TMEM140: variants seen among roughly 807,000 people sequenced by gnomAD.
TMEM140 encodes the protein transmembrane protein 140.
For synonymous variants in TMEM140, 107 were observed against 106.8 expected, an observed-to-expected ratio of 1.00 and a Z score of -0.01; for missense variants, 236 against 228.5, an observed-to-expected ratio of 1.03 and a Z score of -0.21.
chr7:135,158,264 A>G (rs1829843886), intron 1 of TMEM140, among the ~76,000 whole-genome samples: 1 of 152,232 alleles, frequency 6.6e-6, no homozygotes, highest in Admixed American at 6.5e-5. Context: ...CATGTTGCAG[A>G]GCAGTGGGTA....
rs1372783963 is a variant in TMEM140, at chr7:135,165,290, G to A, written c.*291G>A. ...TTCCTGCTTTAATTAATGGATCTGA[G>A]CAAATCTTCCTCTAGCTTCAGGAGG... is the stretch of plus-strand genomic sequence containing the variant. On this transcript the variant is annotated 3_prime_UTR_variant, in exon 2 of 2. Coordinates refer to ENST00000275767, the MANE Select transcript of TMEM140 (RefSeq NM_018295.5). 6.2e-6 allele frequency: 2 copies of A among 323,514 alleles called. No homozygotes were observed. The highest frequency in any genetic ancestry group is 4.5e-5 in the Admixed American group (1 of 22,172). The allele number at this position is 323,514 out of a possible 1,614,324, so 20.0% of individuals were successfully genotyped here.
chr7:135,157,156 C>T (rs1017194381), intron 1 of TMEM140, among the ~76,000 whole-genome samples: 1 of 152,176 alleles, frequency 6.6e-6, no homozygotes, highest in Non-Finnish European at 1.5e-5. Context: ...TTACATGTTT[C>T]CTGTATCCTT....
At chr7:135,159,428 CA>C (rs1411239371) in intron 1 of TMEM140, among the ~76,000 whole-genome samples, 3 of 152,180 alleles carry the variant, frequency 2.0e-5, no homozygotes, top group East Asian at 3.8e-4. Context: ...CTTAAACCAA[CA>C]AAAAAGCTGC....
In TMEM140 at chr7:135,164,824, CAGG is replaced by C; in HGVS notation, c.384_386del (p.Gly130del). The C allele has an allele frequency of 6.2e-7, 1 of 1,614,068 alleles. No homozygotes were observed. ...CTGGCTGTGTCCTCTGTGCTGCTGGCAGGCGGCCTGGGCCTCTTCCTCTCCTAT... is the reference window on the plus strand; with the variant it reads ...CTGGCTGTGTCCTCTGTGCTGCTGGCCGGCCTGGGCCTCTTCCTCTCCTAT... On this transcript the variant is annotated inframe_deletion, in exon 2 of 2. Coordinates refer to ENST00000275767, the MANE Select transcript of TMEM140 (RefSeq NM_018295.5).
chr7:135,148,634 G>C (rs562019204), intron 1 of TMEM140, among the ~76,000 whole-genome samples: 1 of 152,312 alleles, frequency 6.6e-6, no homozygotes, highest in East Asian at 1.9e-4. Context: ...CTGTTCATCA[G>C]AAATAGGTAA....
Position 135,164,761 on chromosome 7 carries a change from A to G in TMEM140, c.320A>G (p.Asn107Ser), listed in dbSNP as rs774234090. The G allele has an allele frequency of 1.2e-6, 2 of 1,614,192 alleles. No homozygotes were observed. Among genetic ancestry groups the G allele is most frequent in the Non-Finnish European group, 1.7e-6 (2 of 1,180,016 alleles). The change falls in exon 2 of 2, where the codon AAC (asparagine) becomes AGC (serine). Residue 107 changes from asparagine (N) to serine (S), a missense_variant. Physicochemically the swap from Asn to Ser is conservative, Grantham distance 46. Coordinates refer to ENST00000275767, the MANE Select transcript of TMEM140 (RefSeq NM_018295.5). ...APQPLLLAQC[N>S]SDERAWRLAV... ...CAGCCTCTCCTCCTAGCCCAGTGCA[A>G]CAGTGATGAGAGAGCGTGGCGGCTG...
chr7:135,159,697 A>G (rs1829879697), intron 1 of TMEM140, among the ~76,000 whole-genome samples: 1 of 152,284 alleles, frequency 6.6e-6, no homozygotes, highest in South Asian at 2.1e-4. Context: ...GGGTTCATAC[A>G]GACCAACAAA....
At chr7:135,155,807 C>A (rs1829778226) in intron 1 of TMEM140, among the ~76,000 whole-genome samples, 1 of 152,242 alleles carries the variant, frequency 6.6e-6, no homozygotes, top group African/African-American at 2.4e-5. Context: ...ACTGTGATTG[C>A]ACTACTGTAT....
At chr7:135,156,902 G>A (rs572816893) in intron 1 of TMEM140, among the ~76,000 whole-genome samples, 4 of 152,142 alleles carry the variant, frequency 2.6e-5, no homozygotes, top group Admixed American at 1.3e-4. Flanking sequence ...TGCTATTCTC[G>A]TGATAGTGAA....
chr7:135,159,415 G>A (rs1829873796), intron 1 of TMEM140, among the ~76,000 whole-genome samples: 1 of 152,192 alleles, frequency 6.6e-6, no homozygotes. Flanking sequence ...AATGTTAGAG[G>A]TGCTTAAACC....
intron 1 of TMEM140, among the ~76,000 whole-genome samples, chr7:135,157,857 C>A (rs1829833696): frequency 6.6e-6 from 1 of 152,140 alleles, no homozygotes; most frequent in South Asian, 2.1e-4. Context: ...ATTGTTAATT[C>A]AGACTGGTTA....
At chr7:135,163,622 G>A (rs528193610) in intron 1 of TMEM140, among the ~76,000 whole-genome samples, 1 of 152,350 alleles carries the variant, frequency 6.6e-6, no homozygotes, top group African/African-American at 2.4e-5. Flanking sequence ...TCCAGCCTGG[G>A]TGACAGAGTG....
intron 1 of TMEM140, among the ~76,000 whole-genome samples, chr7:135,156,916 G>A (rs1482227185): frequency 4.6e-5 from 7 of 152,198 alleles, no homozygotes; most frequent in Non-Finnish European, 1.0e-4. Context: ...TAGTGAATAA[G>A]TCTCATGAGA....
At position 135,165,043 on chromosome 7, in the gene TMEM140, G is replaced by C. The variant is rs1339384045; in HGVS notation, c.*44G>C. On this transcript the variant is annotated 3_prime_UTR_variant, in exon 2 of 2. Coordinates refer to ENST00000275767, the MANE Select transcript of TMEM140 (RefSeq NM_018295.5). ...GGGTTCAGTTCCAACCATGGTCAGA[G>C]GTGGCACATCTGCTCAGCCATCTCA... The C allele has an allele frequency of 6.6e-7, 1 of 1,516,194 alleles. No individual in the cohort carries two copies. 93.9% of individuals were successfully genotyped at this position (1,516,194 alleles called of 1,614,324 possible).
At chr7:135,164,156 C>T (rs1426415157) in intron 1 of TMEM140, among the ~76,000 whole-genome samples, 1 of 152,254 alleles carries the variant, frequency 6.6e-6, no homozygotes, top group Non-Finnish European at 1.5e-5. Flanking sequence ...GAGCACTTCA[C>T]TCAGTTTAAG....
At chr7:135,148,511 G>A (rs761510737) in intron 1 of TMEM140, among the ~76,000 whole-genome samples, 22 of 152,170 alleles carry the variant, frequency 1.4e-4, no homozygotes, top group Admixed American at 7.9e-4. Context: ...TGGCCTCAAA[G>A]ATGATGAAAG....
In TMEM140 at chr7:135,161,404, G is replaced by T. The variant is rs567627737; in HGVS notation, c.-24-3014G>T. ...AGTGAGAGGGAGTGTTTAAACAAAG[G>T]CATCCCCAAGTCCCTTCCCAGTTGG... On this transcript the variant is annotated intron_variant, in intron 1 of 1. Coordinates refer to ENST00000275767, the MANE Select transcript of TMEM140 (RefSeq NM_018295.5). This position sits in a 1 kb window ranked among gnomAD's most constrained non-coding sequence, Gnocchi z 4.1. Among the ~76,000 whole-genome samples the T allele has an allele frequency of 3.3e-5, 5 of 152,138 alleles. No individual in the cohort carries two copies. Among genetic ancestry groups the T allele is most frequent in the Non-Finnish European group, 5.9e-5 (4 of 68,024 alleles).
intron 1 of TMEM140, among the ~76,000 whole-genome samples, chr7:135,158,841 A>G (rs1230680322): frequency 1.3e-5 from 2 of 152,198 alleles, no homozygotes; most frequent in African/African-American, 4.8e-5. Context: ...AGCAAGAGCC[A>G]TGTCTGTAGA....
intron 1 of TMEM140, among the ~76,000 whole-genome samples, chr7:135,164,188 G>A (rs189679143): frequency 3.8e-4 from 58 of 152,368 alleles, no homozygotes; most frequent in African/African-American, 1.3e-3. Flanking sequence ...TTTCAAAGCT[G>A]CTTGGGAGAG....
Sources: allele counts gnomAD v4.1 joint callset (sites outside exome capture counted in the v4.1 genomes callset), GRCh38; gene constraint gnomAD v4.1.1; non-coding constraint Gnocchi (gnomAD v3.1); transcripts MANE v1.5; gene names NCBI Gene and HGNC (gene_info 2026-07-23, HGNC 2026-07-21).